The following RBM47 variants were observed in gnomAD, a reference collection of about 807,000 sequenced individuals.
RBM47 encodes RNA binding motif protein 47.
Under a neutral mutation model 47.1 loss-of-function variants are expected in RBM47, and 21 were observed. That is an observed-to-expected ratio of 0.45 (90% CI 0.32 to 0.64). The LOEUF (loss-of-function observed/expected upper bound fraction) is 0.64. Ranked by LOEUF, RBM47 falls within the 30% of genes least tolerant of loss-of-function variation. The pLI, the probability that RBM47 is intolerant of heterozygous loss-of-function variation, is 0.05. For missense variants in RBM47, 708 were observed against 870.9 expected, an observed-to-expected ratio of 0.81 and a Z score of 2.35; for synonymous variants, 375 against 361.7, an observed-to-expected ratio of 1.04 and a Z score of -0.42.
chr4:40,497,745 A>C (rs1223979682), intron 2 of RBM47, among the ~76,000 whole-genome samples: 2 of 150,786 alleles, frequency 1.3e-5, no homozygotes, highest in African/African-American at 4.9e-5. Flanking sequence ...AGGCTGAGGC[A>C]GAAGGATAGC....
At chr4:40,470,123 C>T (rs1223863623) in intron 2 of RBM47, among the ~76,000 whole-genome samples, 1 of 152,126 alleles carries the variant, frequency 6.6e-6, no homozygotes, top group African/African-American at 2.4e-5. Context: ...AAAGGTCACA[C>T]AGTAGGTAGG....
intron 1 of RBM47, among the ~76,000 whole-genome samples, chr4:40,549,959 C>T (rs748394638): frequency 6.6e-6 from 1 of 152,082 alleles, no homozygotes; most frequent in Non-Finnish European, 1.5e-5. Flanking sequence ...TGTGAGCCAC[C>T]GTGCGCAGTA....
chr4:40,530,073 T>C (rs1333055826), intron 2 of RBM47, among the ~76,000 whole-genome samples: 2 of 149,590 alleles, frequency 1.3e-5, no homozygotes, highest in Non-Finnish European at 3.0e-5. Flanking sequence ...TGAGCTGGGA[T>C]TACAGGCGTG....
At chr4:40,457,435 A>C (rs1014698177) in intron 3 of RBM47, among the ~76,000 whole-genome samples, 5 of 151,706 alleles carry the variant, frequency 3.3e-5, no homozygotes, top group African/African-American at 1.2e-4. Flanking sequence ...AAAAAAAAAA[A>C]AAACAAAAAA....
At chr4:40,438,962 G>A in intron 3 of RBM47, 38 bp from the exon 4 acceptor site, 1 of 1,440,828 alleles carries the variant, frequency 6.9e-7, no homozygotes, top group Non-Finnish European at 9.1e-7. Context: ...GGGAACCGCT[G>A]GATCTTGCCT....
At chr4:40,610,476 G>A (rs564143297) in intron 1 of RBM47, among the ~76,000 whole-genome samples, 1 of 152,114 alleles carries the variant, frequency 6.6e-6, no homozygotes, top group South Asian at 2.1e-4. Context: ...CAGGCTCGGT[G>A]GCGGGTGCCT....
intron 1 of RBM47, among the ~76,000 whole-genome samples, chr4:40,564,342 C>G (rs1311960315): frequency 1.3e-5 from 2 of 152,234 alleles, no homozygotes; most frequent in African/African-American, 2.4e-5. Flanking sequence ...GGCAAAGCAG[C>G]TGCCAGTCTG....
At chr4:40,610,304 T>C (rs1049391014) in intron 1 of RBM47, among the ~76,000 whole-genome samples, 1 of 151,618 alleles carries the variant, frequency 6.6e-6, no homozygotes, top group African/African-American at 2.4e-5. Context: ...ATTCAATGAG[T>C]TCATCTTCGT....
intron 2 of RBM47, among the ~76,000 whole-genome samples, chr4:40,469,433 AT>A (rs55864514): frequency 0.39 from 50,126 of 128,580 alleles, 8,450 homozygotes; most frequent in East Asian, 0.51. Context: ...CCATTCCATA[AT>A]TTTTTTTTTT....
chr4:40,436,942 C>A (rs1577620242), intron 4 of RBM47: 6 of 444,892 alleles, frequency 1.3e-5, no homozygotes, highest in Middle Eastern at 3.6e-4. Flanking sequence ...CTCCCCCCCG[C>A]CAAAAAAAAA....
At chr4:40,494,327 A>T (rs1165491696) in intron 2 of RBM47, among the ~76,000 whole-genome samples, 2 of 152,218 alleles carry the variant, frequency 1.3e-5, no homozygotes, top group Non-Finnish European at 2.9e-5. Flanking sequence ...CCTTTCCTGC[A>T]CTTCTATGCT....
At chr4:40,496,360 ACAC>A (rs1190194023) in intron 2 of RBM47, among the ~76,000 whole-genome samples, 1 of 101,312 alleles carries the variant, frequency 9.9e-6, no homozygotes, top group Non-Finnish European at 2.0e-5. Flanking sequence ...ACACACACAC[ACAC>A]AAAGAGAGAA....
intron 1 of RBM47, among the ~76,000 whole-genome samples, chr4:40,566,658 A>G (rs1221675137): frequency 6.6e-6 from 1 of 151,972 alleles, no homozygotes; most frequent in Admixed American, 6.6e-5. Context: ...AACAAAACAA[A>G]AAGAGTTAGA....
Position 40,436,002 on chromosome 4 carries a change from CAAAAAAA to C in RBM47, c.1330+432_1330+438del, listed in dbSNP as rs11452583. On this transcript the variant is annotated intron_variant, in intron 5 of 6. Coordinates refer to ENST00000295971, the MANE Select transcript of RBM47 (RefSeq NM_001098634.2). The stretch of plus-strand genomic sequence containing the variant: ...TGAAACCCCATCTCTACTAAAAATA[CAAAAAAA>C]AAAAAAAAAAAAATTAGCCGGGCAT... Among the ~76,000 whole-genome samples the C allele has an allele frequency of 4.8e-3, 539 of 111,334 alleles. 3 individuals are homozygous for C. The highest frequency in any genetic ancestry group is 0.018 in the African/African-American group (500 of 28,150). The allele number at this position is 111,334 out of a possible 152,430, so 73.0% of individuals were successfully genotyped here.
intron 1 of RBM47, among the ~76,000 whole-genome samples, chr4:40,562,702 G>A (rs975942334): frequency 7.2e-5 from 11 of 152,118 alleles, no homozygotes; most frequent in African/African-American, 2.2e-4. Context: ...CTGACCTCAA[G>A]TGACCTGCCC....
rs183870724 is a variant in RBM47 at position 40,523,937 on chromosome 4, G to T, written c.-155+20485C>A. 3.7e-4 allele frequency among the ~76,000 whole-genome samples: 57 copies of T among 152,036 alleles called. 2 individuals carry two copies. In the East Asian group the frequency reaches 0.01, roughly 27 times the overall value. ...GATTTCGCAAATAAAACTTCAGGGT[G>T]CCCAATTAAACTTGAATTTCAGATA... On this transcript the variant is annotated intron_variant, in intron 2 of 6. Coordinates refer to ENST00000295971, the MANE Select transcript of RBM47 (RefSeq NM_001098634.2).
chr4:40,508,020 C>T (rs1335267330), intron 2 of RBM47, among the ~76,000 whole-genome samples: 4 of 152,192 alleles, frequency 2.6e-5, no homozygotes, highest in African/African-American at 4.8e-5. Context: ...GAGCCGAGAT[C>T]ACCCCACTGC....
intron 2 of RBM47, among the ~76,000 whole-genome samples, chr4:40,481,564 T>C (rs926869531): frequency 4.0e-5 from 6 of 150,660 alleles, no homozygotes; most frequent in Admixed American, 6.6e-5. Flanking sequence ...GTGGCTTTTT[T>C]TTTTTTTGAC....
intron 6 of RBM47, among the ~76,000 whole-genome samples, chr4:40,428,237 C>G (rs1413767578): frequency 6.6e-6 from 1 of 151,918 alleles, no homozygotes; most frequent in Non-Finnish European, 1.5e-5. Flanking sequence ...CAAAACAAAC[C>G]CCCAAACTCA....
Sources: allele counts gnomAD v4.1 joint callset (sites outside exome capture counted in the v4.1 genomes callset), GRCh38; gene constraint gnomAD v4.1.1; transcripts MANE v1.5; gene names NCBI Gene and HGNC (gene_info 2026-07-23, HGNC 2026-07-21).